Variants in VWC2 observed in about 807,000 individuals in gnomAD.
The protein encoded by VWC2 is brorin.
Under a neutral mutation model 29.8 loss-of-function variants are expected in VWC2, and 14 were observed. The observed-to-expected ratio is 0.47, with a 90% CI of 0.31 to 0.74. VWC2 has a LOEUF of 0.74. VWC2 is among the 30% of genes least tolerant of loss of function. VWC2 has a pLI of 0.05. For missense variants in VWC2, 457 were observed against 459.8 expected (o/e 0.99, Z 0.05); for synonymous variants, 213 against 199.0 (o/e 1.07, Z -0.59).
At chr7:49,801,784 C>A (rs548471019) in intron 2 of VWC2, among the ~76,000 whole-genome samples, 1 of 152,244 alleles carries the variant, frequency 6.6e-6, no homozygotes, top group Non-Finnish European at 1.5e-5. Flanking sequence ...CCTAACACCT[C>A]TGAGTCTCAG....
At chr7:49,789,705 C>G (rs79781079) in intron 2 of VWC2, among the ~76,000 whole-genome samples, 3,025 of 152,276 alleles carry the variant, frequency 0.02, 41 homozygotes, top group Non-Finnish European at 0.035. Context: ...AAGAGAATAT[C>G]TTTCAAAATT....
intron 3 of VWC2, among the ~76,000 whole-genome samples, chr7:49,849,119 G>A (rs1308087973): frequency 2.0e-5 from 3 of 152,114 alleles, no homozygotes; most frequent in Non-Finnish European, 4.4e-5. Context: ...ATTTCTCAGA[G>A]TTTGACTTAC....
At chr7:49,776,169 C>T (rs761477955) in intron 2 of VWC2, 38 bp downstream of exon 2, 4 of 1,463,068 alleles carry the variant, frequency 2.7e-6, no homozygotes, top group Non-Finnish European at 3.6e-6. Flanking sequence ...TTTGCACCTT[C>T]CAGGAAGGGG....
chr7:49,821,900 A>G (rs1256207964), intron 3 of VWC2, among the ~76,000 whole-genome samples: 1 of 152,230 alleles, frequency 6.6e-6, no homozygotes, highest in African/African-American at 2.4e-5. Context: ...TCATAATTGC[A>G]TCTAAACAAG....
intron 3 of VWC2, among the ~76,000 whole-genome samples, chr7:49,858,751 G>T (rs1274653205): frequency 6.6e-6 from 1 of 152,060 alleles, no homozygotes; most frequent in Admixed American, 6.5e-5. Context: ...CACAATGCAA[G>T]ATTATGCATT....
intron 3 of VWC2, among the ~76,000 whole-genome samples, chr7:49,880,825 C>T (rs966466002): frequency 6.6e-6 from 1 of 151,962 alleles, no homozygotes; most frequent in Non-Finnish European, 1.5e-5. Flanking sequence ...CTTCATTATG[C>T]CACGGGAAGC....
At chr7:49,877,478 AAAAATATATAT>A (rs1182109231) in intron 3 of VWC2, among the ~76,000 whole-genome samples, 2 of 39,152 alleles carry the variant, frequency 5.1e-5, no homozygotes, top group Admixed American at 3.7e-4. Context: ...AAAAAAAAAA[AAAAATATATAT>A]ATATATATAT....
At chr7:49,902,290 A>T (rs2128736583) in intron 3 of VWC2, among the ~76,000 whole-genome samples, 1 of 152,180 alleles carries the variant, frequency 6.6e-6, no homozygotes, top group African/African-American at 2.4e-5. Flanking sequence ...GACATAAAAA[A>T]AACTGTTGTC....
intron 2 of VWC2, among the ~76,000 whole-genome samples, chr7:49,788,473 G>A (rs367743113): frequency 3.0e-4 from 46 of 151,662 alleles, no homozygotes; most frequent in African/African-American, 9.9e-4. Context: ...GTGTGTGAGA[G>A]AGAGTGTGTG....
At chr7:49,876,262 GT>G (rs148278221) in intron 3 of VWC2, among the ~76,000 whole-genome samples, 67 of 152,228 alleles carry the variant, frequency 4.4e-4, no homozygotes, top group African/African-American at 1.6e-3. Context: ...GAAAATATAG[GT>G]AAATTTTCAT....
At chr7:49,830,642 A>G (rs893962525) in intron 3 of VWC2, among the ~76,000 whole-genome samples, 2 of 152,098 alleles carry the variant, frequency 1.3e-5, no homozygotes, top group Admixed American at 6.5e-5. Flanking sequence ...TACATTAGGT[A>G]TATCTCCTAA....
chr7:49,872,093 T>G (rs771141773), intron 3 of VWC2, among the ~76,000 whole-genome samples: 1 of 152,002 alleles, frequency 6.6e-6, no homozygotes, highest in Non-Finnish European at 1.5e-5. Flanking sequence ...AAGAACAGTA[T>G]ACTATGAAAC....
intron 3 of VWC2, among the ~76,000 whole-genome samples, chr7:49,863,828 C>G (rs1790769122): frequency 6.6e-6 from 1 of 152,254 alleles, no homozygotes; most frequent in South Asian, 2.1e-4. Flanking sequence ...TTTACTCATT[C>G]TTTTAGGTGT....
chr7:49,778,660 T>C (rs1467034988), intron 2 of VWC2, among the ~76,000 whole-genome samples: 1 of 152,204 alleles, frequency 6.6e-6, no homozygotes, highest in Non-Finnish European at 1.5e-5. Flanking sequence ...AAAATATGAA[T>C]GTAGAATGGT....
At position 49,838,189 on chromosome 7, in the gene VWC2, G is replaced by A. The variant is rs143628679; in HGVS notation, c.826+35349G>A. Among the ~76,000 whole-genome samples the A allele has an allele frequency of 8.1e-3, 1,231 of 152,324 alleles. 52 individuals carry two copies. In the South Asian group the frequency reaches 0.12, roughly 15 times the overall value. On this transcript the variant is annotated intron_variant, in intron 3 of 3. Transcript: ENST00000340652. ...CAGCCTGTGTGAATTAGGAGGCAGAGGCAGGGCTTATAACCTCAGTAACGT... is the reference window on the plus strand; with the variant it reads ...CAGCCTGTGTGAATTAGGAGGCAGAAGCAGGGCTTATAACCTCAGTAACGT...
chr7:49,776,161 T>TGCACCTTC, intron 2 of VWC2, 30 bp downstream of exon 2: 1 of 1,479,688 alleles, frequency 6.8e-7, no homozygotes, highest in African/African-American at 1.4e-5. Context: ...CGGGCGACTT[T>TGCACCTTC]GCACCTTCCA....
At chr7:49,809,310 T>C (rs1336143766) in intron 3 of VWC2, among the ~76,000 whole-genome samples, 4 of 151,822 alleles carry the variant, frequency 2.6e-5, no homozygotes, top group Non-Finnish European at 5.9e-5. Flanking sequence ...AAAACACAAA[T>C]TACCAAAACT....
intron 3 of VWC2, among the ~76,000 whole-genome samples, chr7:49,887,510 G>C (rs534736830): frequency 1.6e-5 from 2 of 124,112 alleles, no homozygotes; most frequent in African/African-American, 6.8e-5. Context: ...TGTAATTGTG[G>C]GGTATTAGAT....
chr7:49,797,520 T>C (rs913373703), intron 2 of VWC2, among the ~76,000 whole-genome samples: 3 of 152,036 alleles, frequency 2.0e-5, no homozygotes, highest in Non-Finnish European at 2.9e-5. Flanking sequence ...CTGTGGTAAC[T>C]GTGAAAGCAA....
Sources: gnomAD v4.1 joint callset for allele counts (sites outside exome capture counted in the v4.1 genomes callset) on GRCh38, gnomAD v4.1.1 for gene constraint, MANE v1.5 for transcripts, NCBI Gene and HGNC (gene_info 2026-07-23, HGNC 2026-07-21) for gene names.